Variants in SH3GL3 observed in about 807,000 individuals in gnomAD.
The protein encoded by SH3GL3 is endophilin-A3.
Under a neutral mutation model 47.7 loss-of-function variants are expected in SH3GL3, and 33 were observed. The ratio of observed to expected loss-of-function variants is 0.69; its 90% CI spans 0.52 to 0.92. SH3GL3 has a LOEUF of 0.92. Ranked by LOEUF, SH3GL3 falls within the 40% of genes least tolerant of loss-of-function variation. The pLI, the probability that SH3GL3 is intolerant of heterozygous loss-of-function variation, is 0.00. For missense variants in SH3GL3, 363 were observed against 417.8 expected (o/e 0.87, Z 1.14); for synonymous variants, 155 against 148.8 (o/e 1.04, Z -0.30).
At chr15:83,610,980 A>AAAATATATAT (rs71453206) in intron 8 of SH3GL3, among the ~76,000 whole-genome samples, 4 of 147,016 alleles carry the variant, frequency 2.7e-5, no homozygotes, top group African/African-American at 1.0e-4. Flanking sequence ...TCAGCCAAAA[A>AAAATATATAT]ATATATATAT....
intron 4 of SH3GL3, among the ~76,000 whole-genome samples, chr15:83,571,335 C>T (rs1309721282): frequency 1.3e-5 from 2 of 152,110 alleles, no homozygotes; most frequent in Non-Finnish European, 2.9e-5. Flanking sequence ...GGCAGAGGGG[C>T]TGTGTAGGGG....
intron 1 of SH3GL3, among the ~76,000 whole-genome samples, chr15:83,548,697 A>T: frequency 6.6e-6 from 1 of 152,080 alleles, no homozygotes; most frequent in East Asian, 1.9e-4. Context: ...TTTGAATGCA[A>T]TGTGTATCTT....
chr15:83,502,338 A>G (rs1223907602), intron 1 of SH3GL3, among the ~76,000 whole-genome samples: 1 of 152,208 alleles, frequency 6.6e-6, no homozygotes, highest in African/African-American at 2.4e-5. Flanking sequence ...AACCACTGCC[A>G]TGTTTGGTGT....
At chr15:83,485,580 C>T (rs1164073306) in intron 1 of SH3GL3, among the ~76,000 whole-genome samples, 1 of 152,182 alleles carries the variant, frequency 6.6e-6, no homozygotes, top group East Asian at 1.9e-4. Context: ...ACCTTCCAGG[C>T]TCAAGCAATC....
At chr15:83,485,380 CG>C (rs2151566161) in intron 1 of SH3GL3, among the ~76,000 whole-genome samples, 1 of 152,124 alleles carries the variant, frequency 6.6e-6, no homozygotes, top group South Asian at 2.1e-4. Flanking sequence ...GTGTTCTTTG[CG>C]ATGATTTTTG....
At chr15:83,576,856 C>T (rs1050125247) in intron 6 of SH3GL3, 115 bp downstream of exon 6, 3 of 589,702 alleles carry the variant, frequency 5.1e-6, no homozygotes, top group Admixed American at 3.2e-5. Context: ...CTTTTGGCTT[C>T]CCTGGGCCAC....
chr15:83,580,871 C>A (rs190448574), intron 6 of SH3GL3, among the ~76,000 whole-genome samples: 151 of 152,340 alleles, frequency 9.9e-4, no homozygotes, highest in African/African-American at 3.5e-3. Flanking sequence ...GCACCCCCAA[C>A]CTCATCCACA....
intron 1 of SH3GL3, among the ~76,000 whole-genome samples, chr15:83,499,815 GAACA>G (rs1248182933): frequency 6.6e-6 from 1 of 152,154 alleles, no homozygotes; most frequent in Non-Finnish European, 1.5e-5. Context: ...CAGGACCTTA[GAACA>G]AACAAATACA....
intron 1 of SH3GL3, among the ~76,000 whole-genome samples, chr15:83,496,390 A>C (rs536256360): frequency 1.3e-5 from 2 of 151,980 alleles, no homozygotes; most frequent in South Asian, 4.2e-4. Context: ...AAAGAAAAAT[A>C]GCTAATACTT....
intron 8 of SH3GL3, among the ~76,000 whole-genome samples, chr15:83,617,709 G>A (rs771637534): frequency 2.0e-5 from 3 of 152,236 alleles, no homozygotes; most frequent in African/African-American, 4.8e-5. Flanking sequence ...AAAGTTTCTC[G>A]TGTATTTTCT....
chr15:83,602,836 A>G (rs924595983), intron 8 of SH3GL3, among the ~76,000 whole-genome samples: 2 of 152,036 alleles, frequency 1.3e-5, no homozygotes, highest in Non-Finnish European at 2.9e-5. Context: ...GGGCTCCTAG[A>G]TTTGCTCTCT....
At chr15:83,507,909 G>C (rs1334241345) in intron 1 of SH3GL3, among the ~76,000 whole-genome samples, 1 of 151,990 alleles carries the variant, frequency 6.6e-6, no homozygotes, top group African/African-American at 2.4e-5. Context: ...TGGGATATGG[G>C]ATCCAGGCAG....
intron 6 of SH3GL3, among the ~76,000 whole-genome samples, chr15:83,584,299 A>G (rs1222929437): frequency 1.3e-5 from 2 of 152,142 alleles, no homozygotes; most frequent in African/African-American, 2.4e-5. Flanking sequence ...TCCCCCTTAA[A>G]GGACCTCGTG....
At position 83,618,181 on chromosome 15, in the gene SH3GL3, C is replaced by A; in HGVS notation, c.938C>A (p.Thr313Lys). Residue 313 changes from threonine (T) to lysine (K), a missense_variant, in exon 9 of 9, where the codon ACA (threonine) becomes AAA (lysine). Thr to Lys is a moderately conservative substitution (Grantham distance 78). Transcript: ENST00000427482. ...GGATTTAAAGAAGGGGACATCATTA[C>A]ATTAACCAATCAAATAGATGAAAAC... ...ELGFKEGDII[T>K]LTNQIDENWY... is the part of the protein sequence containing the mutation. The A allele has an allele frequency of 6.2e-7, 1 of 1,609,164 alleles. No homozygotes were observed. Among genetic ancestry groups the A allele is most frequent in the Non-Finnish European group, 8.5e-7 (1 of 1,175,414 alleles).
At chr15:83,603,264 T>C (rs771336522) in intron 8 of SH3GL3, among the ~76,000 whole-genome samples, 20 of 152,164 alleles carry the variant, frequency 1.3e-4, no homozygotes, top group Non-Finnish European at 1.9e-4. Context: ...CCTCCCAAAC[T>C]GCTGTCACCA....
At chr15:83,490,283 T>TC (rs1400220377) in intron 1 of SH3GL3, among the ~76,000 whole-genome samples, 99 of 151,012 alleles carry the variant, frequency 6.6e-4, no homozygotes, top group African/African-American at 2.3e-3. Flanking sequence ...TTTTTTTTTT[T>TC]CCGCTGACCC....
In SH3GL3 at chr15:83,576,814, T is replaced by G. The variant is rs1045573847; in HGVS notation, c.624+73T>G. ...ATTGAATATATGACTATGATCGGCATGTTGAAAAACTCTAAAGCAGGAGTG... is the reference window on the plus strand; with the variant it reads ...ATTGAATATATGACTATGATCGGCAGGTTGAAAAACTCTAAAGCAGGAGTG... On this transcript the variant is annotated intron_variant, in intron 6 of 8. Coordinates refer to ENST00000427482, the MANE Select transcript of SH3GL3 (RefSeq NM_003027.5). 10 of 1,133,274 alleles carry G rather than the reference T, an allele frequency of 8.8e-6. No homozygotes were observed. In the Admixed American group the frequency reaches 2.4e-4, roughly 27 times the overall value. The allele number at this position is 1,133,274 out of a possible 1,614,324, so 70.2% of individuals were successfully genotyped here.
chr15:83,550,468 G>A (rs1422380506), intron 1 of SH3GL3, among the ~76,000 whole-genome samples: 6 of 152,058 alleles, frequency 3.9e-5, no homozygotes, highest in African/African-American at 2.4e-5. Context: ...TCAACTCACC[G>A]CACCTCCACC....
At position 83,618,704 on chromosome 15, in the gene SH3GL3, G is replaced by A. The variant is rs992488979; in HGVS notation, c.*417G>A. 1.6e-5 allele frequency: 3 copies of A among 190,420 alleles called. No homozygotes were observed. The highest frequency in any genetic ancestry group is 7.1e-5 in the African/African-American group (3 of 42,430). 11.8% of individuals were successfully genotyped at this position (190,420 alleles called of 1,614,324 possible). A position where few individuals can be genotyped will look rare whatever the true frequency, so the allele number is the denominator to read the frequency against. On this transcript the variant is annotated 3_prime_UTR_variant, in exon 9 of 9. Coordinates refer to ENST00000427482, the MANE Select transcript of SH3GL3 (RefSeq NM_003027.5). Reference sequence around the variant, plus strand: ...TTTTCATTGTATTTTAAGCTTACCTGTGAATAGCCCAATAAACATGACACA... The same window carrying A: ...TTTTCATTGTATTTTAAGCTTACCTATGAATAGCCCAATAAACATGACACA...
Sources: allele counts gnomAD v4.1 joint callset (sites outside exome capture counted in the v4.1 genomes callset), GRCh38; gene constraint gnomAD v4.1.1; transcripts MANE v1.5; gene names NCBI Gene and HGNC (gene_info 2026-07-23, HGNC 2026-07-21).